Variants in RNF213 observed in about 807,000 individuals in gnomAD.
RNF213 encodes E3 ubiquitin-protein ligase RNF213.
Under a neutral mutation model 514.4 loss-of-function variants are expected in RNF213, and 341 were observed. The observed-to-expected ratio is 0.66, with a 90% CI of 0.61 to 0.73. The LOEUF (loss-of-function observed/expected upper bound fraction) is 0.73. Ranked by LOEUF, RNF213 falls within the 30% of genes least tolerant of loss-of-function variation. The probability of loss-of-function intolerance (pLI) is 0.00; values close to 1 mark genes in which losing one functional copy is unlikely to be tolerated. For missense variants in RNF213, 5,767 were observed against 6,615.6 expected, an observed-to-expected ratio of 0.87 and a Z score of 4.45; for synonymous variants, 2,655 against 2,658.2, an observed-to-expected ratio of 1.00 and a Z score of 0.04.
chr17:80,338,873 A>T (rs2144050629), intron 25 of RNF213, among the ~76,000 whole-genome samples: 1 of 149,034 alleles, frequency 6.7e-6, no homozygotes, highest in African/African-American at 2.5e-5. Context: ...GCTTGAACCC[A>T]GGAGGCAGAG....
Position 80,386,798 on chromosome 17 carries a change from G to C in RNF213, c.14829G>C (p.Glu4943Asp). 6.2e-7 allele frequency: 1 copy of C among 1,614,240 alleles called. No homozygotes were observed. The highest frequency in any genetic ancestry group is 8.5e-7 in the Non-Finnish European group (1 of 1,180,020). The change falls in exon 63 of 68, where the codon GAG becomes GAC. Residue 4943 changes from glutamate (E) to aspartate (D), a missense_variant. Physicochemically the swap from Glu to Asp is conservative, Grantham distance 45. Around this residue, in one of 13 missense-constraint regions of RNF213, gnomAD observed 1,245 missense variants for 1,339.0 expected, o/e 0.93. Coordinates refer to ENST00000582970, the MANE Select transcript of RNF213 (RefSeq NM_001256071.3). ...ILSNCQYQVE[E>D]GRETVQEFDL... ...CCAACTGCCAGTACCAGGTGGAGGA[G>C]GGCAGAGAGACCGTGCAGGAGTTCG...
chr17:80,376,017 A>C (rs927107674), intron 51 of RNF213, 147 bp downstream of exon 51: 4 of 766,216 alleles, frequency 5.2e-6, no homozygotes, highest in Non-Finnish European at 9.0e-6. Flanking sequence ...AGGAACACAT[A>C]ACCAAGCTGT....
chr17:80,274,146 G>A (rs1053110334), intron 3 of RNF213, among the ~76,000 whole-genome samples: 3 of 152,092 alleles, frequency 2.0e-5, no homozygotes, highest in Non-Finnish European at 2.9e-5. Context: ...TTGAGGGTGC[G>A]TGCCCAGAGG....
intron 14 of RNF213, among the ~76,000 whole-genome samples, chr17:80,309,394 C>T (rs2045487181): frequency 6.6e-6 from 1 of 152,130 alleles, no homozygotes; most frequent in African/African-American, 2.4e-5. Flanking sequence ...CTTGGGCTTT[C>T]CTGGGAGGGA....
intron 32 of RNF213, chr17:80,352,413 C>T: frequency 3.2e-6 from 1 of 317,294 alleles, no homozygotes; most frequent in Non-Finnish European, 5.8e-6. Flanking sequence ...CCGACAGACA[C>T]TGTCAGGAAC....
intron 46 of RNF213, among the ~76,000 whole-genome samples, chr17:80,370,684 C>T (rs1425110329): frequency 2.0e-5 from 3 of 152,172 alleles, no homozygotes; most frequent in Admixed American, 6.5e-5. Flanking sequence ...CACTACACAC[C>T]GGAGTAGACA....
chr17:80,306,532 G>A (rs2045364359), intron 12 of RNF213, 64 bp downstream of exon 12: 4 of 1,467,092 alleles, frequency 2.7e-6, no homozygotes, highest in East Asian at 4.6e-5. Context: ...AACTAAACAT[G>A]GAAAGCTCAG....
At position 80,369,562 on chromosome 17, in the gene RNF213, G is replaced by C; in HGVS notation, c.12216G>C (p.Leu4072=). 6.2e-7 allele frequency: 1 copy of C among 1,614,182 alleles called. No individual in the cohort carries two copies. The highest frequency in any genetic ancestry group is 8.5e-7 in the Non-Finnish European group (1 of 1,180,020). ...TGTGCAACAGTTTCTTCGTAGACCT[G>C]GTGTCCACCATTTGCTTCAAGGACA... ...RQMCNSFFVD[L]VSTICFKDNA... is the part of the protein sequence containing the mutation. The change falls in exon 45 of 68, where the codon CTG becomes CTC. Residue 4072 remains leucine, a synonymous_variant. Transcript: ENST00000582970.
In RNF213 at chr17:80,298,418, CT is replaced by C; in HGVS notation, c.2111del (p.Leu704ArgfsTer32). ...GCCTGTCCTGCACTGCTGTATGGAGCTGGCCCCGCGGCACAAGGATGCCTGG... is the reference window on the plus strand; with the variant it reads ...GCCTGTCCTGCACTGCTGTATGGAGCGGCCCCGCGGCACAAGGATGCCTGG... ...ALPVLHCCME[L>X]APRHKDAWRQ... is the part of the protein sequence containing the mutation. On this transcript the variant is annotated frameshift_variant, in exon 11 of 68. Transcript: ENST00000582970. LOFTEE classifies it high-confidence loss of function. 6.2e-7 allele frequency: 1 copy of C among 1,614,194 alleles called. No individual in the cohort carries two copies. Among genetic ancestry groups the C allele is most frequent in the Non-Finnish European group, 8.5e-7 (1 of 1,180,034 alleles).
intron 38 of RNF213, among the ~76,000 whole-genome samples, chr17:80,361,136 T>C (rs556538652): frequency 6.6e-6 from 1 of 152,324 alleles, no homozygotes; most frequent in South Asian, 2.1e-4. Flanking sequence ...CCATGCAACA[T>C]ACAACTCAGT....
At chr17:80,383,623 T>A in intron 58 of RNF213, 54 bp from the exon 59 acceptor site, 1 of 1,595,526 alleles carries the variant, frequency 6.3e-7, no homozygotes, top group South Asian at 1.1e-5. Flanking sequence ...TGTTACAATC[T>A]GTTTGTAGCA....
At chr17:80,303,429 G>A (rs979936183) in intron 11 of RNF213, among the ~76,000 whole-genome samples, 2 of 152,138 alleles carry the variant, frequency 1.3e-5, no homozygotes, top group Admixed American at 6.5e-5. Context: ...AAAGACTGGG[G>A]ACAGCAGAAA....
At position 80,289,805 on chromosome 17, in the gene RNF213, C is replaced by T. The variant is rs764658196; in HGVS notation, c.1080C>T (p.Asn360=). The stretch of plus-strand genomic sequence containing the variant: ...TGAAAAACGAGAAGGAGCAAAAAAA[C>T]CAGGAAGCAGATGTCCAGGAAGTGA... ...AAVKNEKEQK[N]QEADVQEVKA... Residue 360 remains asparagine (N), a synonymous_variant, in exon 6 of 68, where the codon AAC becomes AAT. Transcript: ENST00000582970. 1.2e-6 allele frequency: 2 copies of T among 1,612,540 alleles called. No homozygotes were observed. Among genetic ancestry groups the T allele is most frequent in the East Asian group, 4.5e-5 (2 of 44,870 alleles).
chr17:80,313,228 T>C, intron 15 of RNF213, 61 bp downstream of exon 15: 1 of 1,603,310 alleles, frequency 6.2e-7, no homozygotes, highest in Non-Finnish European at 8.5e-7. Flanking sequence ...CCTCATGGCC[T>C]CAAATCATGG....
At chr17:80,292,361 C>A (rs1476150580) in intron 8 of RNF213, among the ~76,000 whole-genome samples, 1 of 152,146 alleles carries the variant, frequency 6.6e-6, no homozygotes, top group Non-Finnish European at 1.5e-5. Context: ...AGCCACTATG[C>A]CCAGCCAGAA....
At chr17:80,294,520 C>T (rs909667932) in intron 8 of RNF213, among the ~76,000 whole-genome samples, 200 bp from the exon 9 acceptor site, 9 of 152,286 alleles carry the variant, frequency 5.9e-5, no homozygotes, top group East Asian at 1.9e-4. Context: ...TCTGTTTGCA[C>T]GGGGCTGGCC....
At chr17:80,269,595 C>A (rs567228048) in intron 2 of RNF213, among the ~76,000 whole-genome samples, 2 of 151,952 alleles carry the variant, frequency 1.3e-5, no homozygotes, top group African/African-American at 4.8e-5. Flanking sequence ...ATCCGTCCAT[C>A]CTATCTGTTT....
chr17:80,371,773 C>CAT lies in RNF213; in HGVS notation c.12426-100_12426-99insTA, dbSNP rs2079526811. Reference sequence around the variant, plus strand: ...ATATGTATGTATATGTTTATACACACACACACACAGGACAGACGACCGATA... The same window carrying CAT: ...ATATGTATGTATATGTTTATACACACATACACACACAGGACAGACGACCGATA... On this transcript the variant is annotated intron_variant, in intron 46 of 67. Coordinates refer to ENST00000582970, the MANE Select transcript of RNF213 (RefSeq NM_001256071.3). 6 of 705,704 alleles carry CAT rather than the reference C, an allele frequency of 8.5e-6. No homozygotes were observed. The Admixed American group carries it at 8.7e-5, about 10-fold the overall frequency. The allele number at this position is 705,704 out of a possible 1,614,324, so 43.7% of individuals were successfully genotyped here.
intron 11 of RNF213, among the ~76,000 whole-genome samples, chr17:80,301,420 G>A (rs978371360): frequency 3.9e-5 from 6 of 152,122 alleles, no homozygotes; most frequent in African/African-American, 1.2e-4. Flanking sequence ...TCATCTACAC[G>A]TTGGATAGGG....
Sources: gnomAD v4.1 joint callset for allele counts (sites outside exome capture counted in the v4.1 genomes callset) on GRCh38, gnomAD v4.1.1 for gene constraint, gnomAD v4.1.1 regional missense constraint, MANE v1.5 for transcripts, NCBI Gene and HGNC (gene_info 2026-07-23, HGNC 2026-07-21) for gene names.